Variants in DIAPH2 observed in about 807,000 individuals in gnomAD.
The protein encoded by DIAPH2 is diaphanous related formin 2.
A neutral mutation model predicts 92.7 loss-of-function variants in DIAPH2; 35 were observed. The observed-to-expected ratio is 0.38, with a 90% CI of 0.29 to 0.50. The LOEUF (loss-of-function observed/expected upper bound fraction) is 0.50, where lower values mean the gene tolerates loss of function less well. DIAPH2 is among the 20% of genes least tolerant of loss of function. The pLI is 0.94. For synonymous variants in DIAPH2, 301 were observed against 280.4 expected (o/e 1.07, Z -0.73); for missense variants, 701 against 819.5 (o/e 0.86, Z 1.77).
At chrX:97,277,336 G>T (rs184171579) in intron 23 of DIAPH2, among the ~76,000 whole-genome samples, 1 of 109,765 alleles carries the variant, frequency 9.1e-6, no homozygotes, top group East Asian at 2.8e-4. Flanking sequence ...AAACACTGTC[G>T]CAAAAAAAGA....
At chrX:96,775,353 TTGTGTGTGTGTG>T (rs60441028) in intron 4 of DIAPH2, among the ~76,000 whole-genome samples, 13 of 89,361 alleles carry the variant, frequency 1.5e-4, no homozygotes, top group East Asian at 7.1e-4. Context: ...CAACGTGTGC[TTGTGTGTGTGTG>T]TGTGTGTGTG....
At chrX:97,305,396 G>C (rs1171276920) in intron 23 of DIAPH2, among the ~76,000 whole-genome samples, 1 of 111,245 alleles carries the variant, frequency 9.0e-6, no homozygotes, top group Non-Finnish European at 1.9e-5. Context: ...AGGAAGCTGA[G>C]ATAGGAGAAT....
intron 5 of DIAPH2, among the ~76,000 whole-genome samples, chrX:96,911,266 T>C (rs1460490902): frequency 9.0e-6 from 1 of 111,345 alleles, no homozygotes; most frequent in Non-Finnish European, 1.9e-5. Flanking sequence ...GAATCACCAA[T>C]TGGGAGTCTC....
In DIAPH2 at chrX:97,293,282, AG is replaced by A. The variant is rs200016077; in HGVS notation, c.2844+45444del. 4.0e-3 allele frequency among the ~76,000 whole-genome samples: 312 copies of A among 78,302 alleles called. 1 individual carries two copies. The highest frequency in any genetic ancestry group is 0.015 in the African/African-American group (285 of 18,414). 68.0% of individuals were successfully genotyped at this position (78,302 alleles called of 115,157 possible). ...TTTTTTTTTTTTTGAGACGGAGTCTAGCTCTGTCGCCAGTCTGGAGTGCAGT... is the reference window on the plus strand; with the variant it reads ...TTTTTTTTTTTTTGAGACGGAGTCTACTCTGTCGCCAGTCTGGAGTGCAGT... On this transcript the variant is annotated intron_variant, in intron 23 of 26. Transcript: ENST00000324765.
intron 22 of DIAPH2, among the ~76,000 whole-genome samples, chrX:97,205,382 T>C (rs745824934): frequency 4.5e-5 from 5 of 111,218 alleles, no homozygotes; most frequent in African/African-American, 1.6e-4. Flanking sequence ...TCAGAGTGAA[T>C]AGGCAACCTA....
At chrX:96,691,136 A>G (rs2063796153) in intron 1 of DIAPH2, among the ~76,000 whole-genome samples, 2 of 111,854 alleles carry the variant, frequency 1.8e-5, no homozygotes, top group Non-Finnish European at 3.8e-5. Flanking sequence ...TACATAATAT[A>G]TGCTAATTTA....
At chrX:96,740,843 A>G (rs140838304) in intron 3 of DIAPH2, among the ~76,000 whole-genome samples, 78 of 111,260 alleles carry the variant, frequency 7.0e-4, no homozygotes, top group African/African-American at 2.4e-3. Context: ...TTATGTTTTC[A>G]GAGAATCAGT....
chrX:97,599,347 T>TAA lies in DIAPH2; in HGVS notation c.*31_*32dup. ...TGATGCCAAAGAATATGAAAATATT[T>TAA]AAGTAAAAACAAAATGATGCATTTT... On this transcript the variant is annotated 3_prime_UTR_variant, in exon 27 of 27. Coordinates refer to ENST00000324765, the MANE Select transcript of DIAPH2 (RefSeq NM_006729.5). The TAA allele has an allele frequency of 9.4e-7, 1 of 1,061,025 alleles. No homozygotes were observed. 87.4% of individuals were successfully genotyped at this position (1,061,025 alleles called of 1,213,427 possible).
intron 17 of DIAPH2, among the ~76,000 whole-genome samples, chrX:97,021,526 T>A (rs1315607358): frequency 8.9e-6 from 1 of 112,159 alleles, no homozygotes; most frequent in Non-Finnish European, 1.9e-5. Flanking sequence ...TATGAATGGA[T>A]GTTGAGAGCT....
chrX:97,130,096 A>T (rs2067128121), intron 21 of DIAPH2, among the ~76,000 whole-genome samples: 2 of 112,352 alleles, frequency 1.8e-5, no homozygotes, highest in Non-Finnish European at 3.8e-5. Context: ...CTATCAAGAA[A>T]ACAGAAAGCA....
intron 4 of DIAPH2, among the ~76,000 whole-genome samples, chrX:96,849,254 C>T (rs1178320911): frequency 8.9e-6 from 1 of 111,816 alleles, no homozygotes; most frequent in Non-Finnish European, 1.9e-5. Flanking sequence ...CAACCTCCGC[C>T]TCCCAGGTTC....
At chrX:97,351,932 C>T (rs937245592) in intron 24 of DIAPH2, among the ~76,000 whole-genome samples, 2 of 111,413 alleles carry the variant, frequency 1.8e-5, no homozygotes, top group African/African-American at 3.2e-5. Context: ...ACATCACCAA[C>T]TTCAGTCAAT....
chrX:97,175,114 G>A (rs2067482159), intron 22 of DIAPH2, among the ~76,000 whole-genome samples: 1 of 111,799 alleles, frequency 8.9e-6, no homozygotes, highest in Non-Finnish European at 1.9e-5. Flanking sequence ...TGCTAGCTAA[G>A]ACAGTCATGT....
chrX:97,185,497 A>G lies in DIAPH2; in HGVS notation c.2719+43703A>G, dbSNP rs1233291550. On this transcript the variant is annotated intron_variant, in intron 22 of 26. Coordinates refer to ENST00000324765, the MANE Select transcript of DIAPH2 (RefSeq NM_006729.5). ...CACATATATATATATATATATATATATATATATATATATATATATATATCT... is the reference window on the plus strand; with the variant it reads ...CACATATATATATATATATATATATGTATATATATATATATATATATATCT... 1.0e-3 allele frequency among the ~76,000 whole-genome samples: 51 copies of G among 50,083 alleles called. 4 individuals are homozygous for G. Among genetic ancestry groups the G allele is most frequent in the African/African-American group, 4.4e-3 (45 of 10,152 alleles). 43.5% of individuals were successfully genotyped at this position (50,083 alleles called of 115,157 possible).
intron 22 of DIAPH2, among the ~76,000 whole-genome samples, chrX:97,240,605 C>CAAAAAAAAAAAAAAAAAAAAAAAAA (rs774748522): frequency 1.5e-5 from 1 of 67,958 alleles, no homozygotes; most frequent in African/African-American, 5.8e-5. Flanking sequence ...GACTGCATCT[C>CAAAAAAAAAAAAAAAAAAAAAAAAA]AAAAAAAAAA....
chrX:96,825,354 C>CTTT (rs57788752), intron 4 of DIAPH2, among the ~76,000 whole-genome samples: 11 of 82,568 alleles, frequency 1.3e-4, no homozygotes, highest in African/African-American at 2.0e-4. Flanking sequence ...CATGTGTTTT[C>CTTT]TTTTTTTTTT....
chrX:97,107,183 T>G (rs2066947733), intron 20 of DIAPH2, among the ~76,000 whole-genome samples: 1 of 111,323 alleles, frequency 9.0e-6, no homozygotes, highest in Non-Finnish European at 1.9e-5. Context: ...TCTTTTTCTT[T>G]TTCTTTTTTT....
intron 4 of DIAPH2, among the ~76,000 whole-genome samples, chrX:96,867,083 T>C (rs749685103): frequency 8.9e-6 from 1 of 112,227 alleles, no homozygotes; most frequent in Non-Finnish European, 1.9e-5. Flanking sequence ...GCTGTTTCTA[T>C]TGGCATAACC....
chrX:97,310,958 G>A (rs1376802579), intron 23 of DIAPH2, among the ~76,000 whole-genome samples: 4 of 111,583 alleles, frequency 3.6e-5, no homozygotes, highest in African/African-American at 9.8e-5. Context: ...GCAGTGAGCC[G>A]AGATTGCGCC....
Sources: allele counts gnomAD v4.1 joint callset (sites outside exome capture counted in the v4.1 genomes callset), GRCh38; gene constraint gnomAD v4.1.1; transcripts MANE v1.5; gene names NCBI Gene and HGNC (gene_info 2026-07-23, HGNC 2026-07-21).